LRRN1: variants seen among roughly 807,000 people sequenced by gnomAD.
The protein encoded by LRRN1 is leucine rich repeat neuronal 1.
In LRRN1, 14 loss-of-function variants were observed where a neutral mutation model predicts 45.8. That is an observed-to-expected ratio of 0.31 (90% confidence interval 0.20 to 0.48). The LOEUF (loss-of-function observed/expected upper bound fraction) is 0.48, where lower values mean the gene tolerates loss of function less well. Ranked by LOEUF, LRRN1 falls within the 20% of genes least tolerant of loss-of-function variation. The pLI is 0.99. For missense variants in LRRN1, 789 were observed against 874.2 expected, an observed-to-expected ratio of 0.90 and a Z score of 1.23; for synonymous variants, 359 against 330.1, an observed-to-expected ratio of 1.09 and a Z score of -0.95.
chr3:3,839,996 G>C (rs1056911027), intron 1 of LRRN1, among the ~76,000 whole-genome samples: 2 of 152,078 alleles, frequency 1.3e-5, no homozygotes, highest in Non-Finnish European at 2.9e-5. Flanking sequence ...GCTGTGACTA[G>C]AGTTTCTAGT....
rs571069745 is a variant in LRRN1 at position 3,806,742 on chromosome 3, A to G, written c.-279+6823A>G. ...CTTAAATATTTATCTCATTTGACCTATAACATCCTGAGAAACCAAATGTGA... is the reference window on the plus strand; with the variant it reads ...CTTAAATATTTATCTCATTTGACCTGTAACATCCTGAGAAACCAAATGTGA... On this transcript the variant is annotated intron_variant, in intron 1 of 1. Transcript: ENST00000319331. Among the ~76,000 whole-genome samples the G allele has an allele frequency of 2.6e-5, 4 of 152,222 alleles. No individual in the cohort carries two copies. The South Asian group carries it at 8.3e-4, about 32-fold the overall frequency.
chr3:3,816,760 T>A lies in LRRN1; in HGVS notation c.-279+16841T>A, dbSNP rs1267966827. On this transcript the variant is annotated intron_variant, in intron 1 of 1. Coordinates refer to ENST00000319331, the MANE Select transcript of LRRN1 (RefSeq NM_020873.7). The surrounding 1 kb of genome is among the most constrained non-coding windows in gnomAD (Gnocchi z 4.0). ...AAGGTTTCGCTCTACAAGTTAGCTT[T>A]CTTCTACGTGTCTAAAAGAAGGCTG... Among the ~76,000 whole-genome samples, 1 of 152,176 alleles carries A rather than the reference T, an allele frequency of 6.6e-6. No homozygotes were observed. The highest frequency in any genetic ancestry group is 1.5e-5 in the Non-Finnish European group (1 of 68,016).
At chr3:3,831,151 T>G (rs2322331) in intron 1 of LRRN1, among the ~76,000 whole-genome samples, 102,116 of 152,100 alleles carry the variant, frequency 0.67, 35,466 homozygotes, top group Non-Finnish European at 0.77. Context: ...AGCCTCTCAG[T>G]TCACTTGATA....
intron 1 of LRRN1, among the ~76,000 whole-genome samples, chr3:3,819,841 G>A (rs1693066836): frequency 6.6e-6 from 1 of 152,158 alleles, no homozygotes; most frequent in Admixed American, 6.6e-5. Context: ...GGTAAATGGT[G>A]TAGGCATTTT....
intron 1 of LRRN1, among the ~76,000 whole-genome samples, chr3:3,838,289 A>T (rs562748537): frequency 6.6e-4 from 101 of 152,352 alleles, no homozygotes; most frequent in Non-Finnish European, 8.4e-4. Flanking sequence ...ACACAAAACT[A>T]TAAAAACCCT....
intron 1 of LRRN1, among the ~76,000 whole-genome samples, chr3:3,804,816 G>A (rs1005200399): frequency 2.0e-5 from 3 of 151,900 alleles, no homozygotes; most frequent in Non-Finnish European, 4.4e-5. Flanking sequence ...CTATGTGAAA[G>A]GTTTCTGTGG....
At chr3:3,823,686 A>G (rs711575) in intron 1 of LRRN1, among the ~76,000 whole-genome samples, 76,092 of 152,004 alleles carry the variant, frequency 0.5, 22,557 homozygotes, top group Non-Finnish European at 0.67. Flanking sequence ...GGGCTTAGAG[A>G]GGTGGAGTCA....
At chr3:3,808,706 A>AG (rs1692816073) in intron 1 of LRRN1, among the ~76,000 whole-genome samples, 1 of 152,242 alleles carries the variant, frequency 6.6e-6, no homozygotes, top group Non-Finnish European at 1.5e-5. Context: ...ATAAAACAAG[A>AG]GGACTGGACT....
chr3:3,824,267 T>C (rs1301033384), intron 1 of LRRN1, among the ~76,000 whole-genome samples: 1 of 152,226 alleles, frequency 6.6e-6, no homozygotes. Context: ...GTTAGTTACA[T>C]TCATATTATT....
rs2106466997 is a variant in LRRN1 at position 3,836,292 on chromosome 3, T to G, written c.-278-8072T>G. ...TATATTCACATTATTGTGTAACAGA[T>G]CTCTAGAACTTTGTCATCTTGCAAA... is the stretch of plus-strand genomic sequence containing the variant. On this transcript the variant is annotated intron_variant, in intron 1 of 1. Transcript: ENST00000319331. Among the ~76,000 whole-genome samples the G allele has an allele frequency of 2.6e-5, 4 of 152,282 alleles. 1 individual carries two copies. The highest frequency in any genetic ancestry group is 2.6e-4 in the Admixed American group (4 of 15,288).
Position 3,824,499 on chromosome 3 carries a change from TAAAA to T in LRRN1, c.-278-19858_-278-19855del, listed in dbSNP as rs911439405. ...CATTACAATCAATTTACTGCCATGT[TAAAA>T]AAAAAATCAGTGAACATTGTTCGGC... On this transcript the variant is annotated intron_variant, in intron 1 of 1. Coordinates refer to ENST00000319331, the MANE Select transcript of LRRN1 (RefSeq NM_020873.7). Among the ~76,000 whole-genome samples the T allele has an allele frequency of 4.7e-5, 7 of 149,326 alleles. No homozygotes were observed. In the East Asian group the frequency reaches 1.4e-3, roughly 29 times the overall value.
chr3:3,806,546 G>A (rs1426844364), intron 1 of LRRN1, among the ~76,000 whole-genome samples: 1 of 152,154 alleles, frequency 6.6e-6, no homozygotes, highest in Admixed American at 6.5e-5. Flanking sequence ...TTCCTTGTAG[G>A]AGTTGGTCAG....
chr3:3,819,433 G>A (rs1359148521), intron 1 of LRRN1, among the ~76,000 whole-genome samples: 2 of 152,174 alleles, frequency 1.3e-5, no homozygotes, highest in South Asian at 2.1e-4. Context: ...GCATCAAGGT[G>A]TCAACAGGGC....
In LRRN1 at chr3:3,844,678, T is replaced by A. The variant is rs756998913; in HGVS notation, c.37T>A (p.Leu13Met). 4 of 1,613,336 alleles carry A rather than the reference T, an allele frequency of 2.5e-6. No homozygotes were observed. The highest frequency in any genetic ancestry group is 1.7e-5 in the Admixed American group (1 of 59,992). ...GAGCTTTGTTATAGCAGCTTGCCAA[T>A]TGGTGCTGGGCCTACTAATGACTTC... ...RMSFVIAACQ[L>M]VLGLLMTSLT... Residue 13 changes from leucine (L) to methionine (M), a missense_variant, in exon 2 of 2, where the codon TTG (leucine) becomes ATG (methionine). Physicochemically the swap from Leu to Met is conservative, Grantham distance 15. Coordinates refer to ENST00000319331, the MANE Select transcript of LRRN1 (RefSeq NM_020873.7).
At chr3:3,821,855 G>T (rs184577287) in intron 1 of LRRN1, among the ~76,000 whole-genome samples, 1 of 152,284 alleles carries the variant, frequency 6.6e-6, no homozygotes, top group Admixed American at 6.5e-5. Flanking sequence ...CTAGCTGTTT[G>T]ATTTATCTAT....
chr3:3,827,862 A>G (rs887285478), intron 1 of LRRN1, among the ~76,000 whole-genome samples: 1 of 152,152 alleles, frequency 6.6e-6, no homozygotes. Flanking sequence ...TAGCTTTAAT[A>G]CAATATTTGG....
At chr3:3,808,334 T>C (rs1298250599) in intron 1 of LRRN1, among the ~76,000 whole-genome samples, 5 of 152,188 alleles carry the variant, frequency 3.3e-5, no homozygotes, top group African/African-American at 1.2e-4. Flanking sequence ...CCTTTAATCC[T>C]TGCAACAACT....
At chr3:3,836,190 G>A (rs1361370886) in intron 1 of LRRN1, among the ~76,000 whole-genome samples, 3 of 152,036 alleles carry the variant, frequency 2.0e-5, no homozygotes, top group South Asian at 2.1e-4. Context: ...TTATGGCTTC[G>A]CTTTTTTTGT....
At chr3:3,830,611 C>T (rs927131784) in intron 1 of LRRN1, among the ~76,000 whole-genome samples, 5 of 152,216 alleles carry the variant, frequency 3.3e-5, no homozygotes, top group African/African-American at 1.2e-4. Context: ...CCCATGAGGC[C>T]ATCAGGGCAG....
Sources: allele counts gnomAD v4.1 joint callset (sites outside exome capture counted in the v4.1 genomes callset), GRCh38; gene constraint gnomAD v4.1.1; non-coding constraint Gnocchi (gnomAD v3.1); transcripts MANE v1.5; gene names NCBI Gene and HGNC (gene_info 2026-07-23, HGNC 2026-07-21).